PCDH9: variants seen among roughly 807,000 people sequenced by gnomAD.
The protein encoded by PCDH9 is protocadherin-9.
Under a neutral mutation model 70.6 loss-of-function variants are expected in PCDH9, and 24 were observed. The ratio of observed to expected loss-of-function variants is 0.34; its 90% CI spans 0.25 to 0.48. The LOEUF is 0.48. Among genes scored for constraint, PCDH9 ranks in the 20% least tolerant of loss-of-function variants. The pLI is 0.99. For synonymous variants in PCDH9, 562 were observed against 558.5 expected (o/e 1.01, Z -0.09); for missense variants, 1,281 against 1,503.6 (o/e 0.85, Z 2.45).
At chr13:66,863,399 C>T (rs2081516147) in intron 3 of PCDH9, among the ~76,000 whole-genome samples, 2 of 152,078 alleles carry the variant, frequency 1.3e-5, no homozygotes, top group Admixed American at 1.3e-4. Context: ...CCCAGAAAAT[C>T]GATTTATGAG....
At chr13:66,732,352 T>G (rs1386542073) in intron 3 of PCDH9, among the ~76,000 whole-genome samples, 1 of 151,948 alleles carries the variant, frequency 6.6e-6, no homozygotes, top group East Asian at 1.9e-4. Context: ...TGTTGAAAAC[T>G]TATTAAAACT....
intron 4 of PCDH9, among the ~76,000 whole-genome samples, chr13:66,438,118 C>T (rs576877314): frequency 6.6e-6 from 1 of 151,712 alleles, no homozygotes; most frequent in South Asian, 2.1e-4. Flanking sequence ...TCTGTAATCC[C>T]GGATACTCAG....
intron 2 of PCDH9, among the ~76,000 whole-genome samples, chr13:67,094,327 C>T (rs1342649734): frequency 6.6e-6 from 1 of 152,128 alleles, no homozygotes; most frequent in Admixed American, 6.5e-5. Context: ...ACCCTTCTTG[C>T]TGGTGTTATC....
intron 4 of PCDH9, among the ~76,000 whole-genome samples, chr13:66,470,244 AT>A (rs1958592082): frequency 6.6e-6 from 1 of 152,180 alleles, no homozygotes; most frequent in Admixed American, 6.5e-5. Context: ...GAAAGAGAAA[AT>A]AACAAGAAAA....
At chr13:66,827,777 A>G (rs192055557) in intron 3 of PCDH9, among the ~76,000 whole-genome samples, 97 of 152,292 alleles carry the variant, frequency 6.4e-4, no homozygotes, top group African/African-American at 2.1e-3. Flanking sequence ...GTCACTTTAA[A>G]TGTCAACCGA....
At chr13:67,205,293 T>G (rs1461508923) in intron 2 of PCDH9, 1 of 152,200 alleles carries the variant, frequency 6.6e-6, no homozygotes, top group Non-Finnish European at 1.5e-5. Flanking sequence ...CTTCCCAATT[T>G]CTCATTGTCT....
rs1261550361 is a variant in PCDH9 at position 66,399,136 on chromosome 13, C to T, written c.3341-94108G>A. Among the ~76,000 whole-genome samples, 5 of 152,060 alleles carry T rather than the reference C, an allele frequency of 3.3e-5. No individual in the cohort carries two copies. The East Asian group carries it at 5.8e-4, about 18-fold the overall frequency. ...AATAACAATTCCTATTCTGTAGATG[C>T]ACAGTGGAGTATCAATGAGAATGTA... On this transcript the variant is annotated intron_variant, in intron 4 of 4. Coordinates refer to ENST00000377865, the MANE Select transcript of PCDH9 (RefSeq NM_203487.3).
intron 4 of PCDH9, among the ~76,000 whole-genome samples, chr13:66,588,906 T>A (rs1357167028): frequency 6.9e-6 from 1 of 144,918 alleles, no homozygotes; most frequent in East Asian, 1.9e-4. Context: ...AAAATTTCAT[T>A]TTTTTACAAA....
intron 4 of PCDH9, among the ~76,000 whole-genome samples, chr13:66,494,359 A>T (rs551117379): frequency 3.3e-5 from 5 of 152,194 alleles, no homozygotes; most frequent in Admixed American, 3.3e-4. Flanking sequence ...AATAGTAGGA[A>T]TAGACAAGGT....
chr13:66,498,197 G>A (rs1959147777), intron 4 of PCDH9, among the ~76,000 whole-genome samples: 1 of 98,724 alleles, frequency 1.0e-5, no homozygotes. Context: ...AGGCTGGAGT[G>A]CAGTGGCGCG....
intron 4 of PCDH9, among the ~76,000 whole-genome samples, chr13:66,546,714 C>T (rs915918934): frequency 2.0e-4 from 30 of 152,282 alleles, no homozygotes; most frequent in African/African-American, 7.2e-4. Context: ...TCACTGCTCA[C>T]TCACTGACTC....
intron 3 of PCDH9, among the ~76,000 whole-genome samples, chr13:66,888,081 A>T (rs1594210374): frequency 1.3e-5 from 2 of 152,304 alleles, no homozygotes; most frequent in Non-Finnish European, 1.5e-5. Context: ...TCTGGCTATT[A>T]TGCTAATTAA....
chr13:66,772,905 T>C (rs1466477520), intron 3 of PCDH9, among the ~76,000 whole-genome samples: 1 of 150,114 alleles, frequency 6.7e-6, no homozygotes, highest in African/African-American at 2.4e-5. Context: ...TGGTGGAAAG[T>C]AAACCAGAAA....
At chr13:66,891,221 T>C (rs1007214351) in intron 3 of PCDH9, among the ~76,000 whole-genome samples, 10 of 152,100 alleles carry the variant, frequency 6.6e-5, no homozygotes, top group African/African-American at 2.4e-4. Flanking sequence ...ATCTTGAATA[T>C]AAATTTGGCT....
chr13:66,621,336 A>G (rs1199496463), intron 4 of PCDH9, among the ~76,000 whole-genome samples: 2 of 152,246 alleles, frequency 1.3e-5, no homozygotes, highest in Non-Finnish European at 1.5e-5. Context: ...TAACAGGTCT[A>G]CATGGCTAGC....
intron 4 of PCDH9, among the ~76,000 whole-genome samples, chr13:66,531,463 T>C (rs1458564559): frequency 2.0e-5 from 3 of 152,100 alleles, no homozygotes; most frequent in African/African-American, 7.2e-5. Context: ...GGCAGAATAT[T>C]AAAATAAACG....
At chr13:66,432,236 G>C (rs917794689) in intron 4 of PCDH9, among the ~76,000 whole-genome samples, 18 of 151,914 alleles carry the variant, frequency 1.2e-4, no homozygotes, top group Non-Finnish European at 2.4e-4. Flanking sequence ...TATAGCACTT[G>C]GCAGGTCAAA....
intron 2 of PCDH9, among the ~76,000 whole-genome samples, chr13:66,966,061 T>C (rs978340575): frequency 1.3e-5 from 2 of 152,246 alleles, no homozygotes; most frequent in African/African-American, 4.8e-5. Context: ...TTGCATGCCA[T>C]ATTTTAAAAA....
chr13:66,805,223 T>G (rs1027493935), intron 3 of PCDH9, among the ~76,000 whole-genome samples: 1 of 152,192 alleles, frequency 6.6e-6, no homozygotes, highest in African/African-American at 2.4e-5. Flanking sequence ...TTTCCTAAAG[T>G]GTGGATACAA....
Sources: gnomAD v4.1 joint callset for allele counts (sites outside exome capture counted in the v4.1 genomes callset) on GRCh38, gnomAD v4.1.1 for gene constraint, MANE v1.5 for transcripts, NCBI Gene and HGNC (gene_info 2026-07-23, HGNC 2026-07-21) for gene names.